UTRN: variants seen among roughly 807,000 people sequenced by gnomAD.
UTRN encodes the protein dystrophin-related protein 1.
In UTRN, 283 loss-of-function variants were observed where a neutral mutation model predicts 463.9. That is an observed-to-expected ratio of 0.61 (90% CI 0.55 to 0.67). UTRN has a LOEUF of 0.67. UTRN is among the 30% of genes least tolerant of loss of function. UTRN has a pLI of 0.00. For missense variants in UTRN, 3,922 were observed against 4,084.3 expected, an observed-to-expected ratio of 0.96 and a Z score of 1.08; for synonymous variants, 1,442 against 1,431.5, an observed-to-expected ratio of 1.01 and a Z score of -0.17.
At chr6:144,309,553 T>G (rs1333612130) in intron 2 of UTRN, among the ~76,000 whole-genome samples, 1 of 152,254 alleles carries the variant, frequency 6.6e-6, no homozygotes, top group Non-Finnish European at 1.5e-5. Context: ...CTGCTGGTTC[T>G]ATTTTCCTAA....
chr6:144,577,241 G>C lies in UTRN; in HGVS notation c.7432G>C (p.Ala2478Pro). 3 of 1,613,942 alleles carry C rather than the reference G, an allele frequency of 1.9e-6. No individual in the cohort carries two copies. Among genetic ancestry groups the C allele is most frequent in the Non-Finnish European group, 2.5e-6 (3 of 1,179,910 alleles). Residue 2478 changes from alanine (A) to proline (P), a missense_variant, in exon 51 of 75, where the codon GCT becomes CCT. By Grantham distance (27) the Ala-to-Pro change is conservative. This residue lies in a region of UTRN where 1,309 missense variants were observed against 1,452.6 expected (regional missense o/e 0.90). Transcript: ENST00000367545. ...TGTGGATGCCTCTCATCGGGAGAAT[G>C]CTCTTCAGGATAGTATCTTGGCCAG... ...VLVDASHREN[A>P]LQDSILAREL...
intron 2 of UTRN, among the ~76,000 whole-genome samples, chr6:144,361,768 C>CTTTTTT (rs200737117): frequency 7.2e-6 from 1 of 138,700 alleles, no homozygotes; most frequent in African/African-American, 2.8e-5. Flanking sequence ...TTCTTTCTTT[C>CTTTTTT]TTTCTTTTTT....
At chr6:144,426,162 A>G (rs761065130) in intron 6 of UTRN, 125 bp from the exon 7 acceptor site, 185 of 1,187,074 alleles carry the variant, frequency 1.6e-4, no homozygotes, top group Non-Finnish European at 2.1e-4. Flanking sequence ...AGTAAAATGA[A>G]TGCCAGTTAC....
intron 66 of UTRN, among the ~76,000 whole-genome samples, chr6:144,821,929 C>G (rs1041563738): frequency 2.0e-5 from 3 of 151,902 alleles, no homozygotes; most frequent in African/African-American, 7.2e-5. Context: ...AAGTTCTAGT[C>G]AGAGAAAGAC....
intron 43 of UTRN, among the ~76,000 whole-genome samples, chr6:144,535,031 T>C (rs961036695): frequency 1.3e-5 from 2 of 152,192 alleles, no homozygotes; most frequent in Admixed American, 6.5e-5. Flanking sequence ...TTATATGTCA[T>C]GCTATTCAGT....
In UTRN at chr6:144,757,913, C is replaced by T. The variant is rs1283532750; in HGVS notation, c.8435-16C>T. The T allele has an allele frequency of 1.3e-5, 21 of 1,605,142 alleles. No individual in the cohort carries two copies. Among genetic ancestry groups the T allele is most frequent in the Non-Finnish European group, 1.8e-5 (21 of 1,175,600 alleles). On this transcript the variant is annotated splice_polypyrimidine_tract_variant and intron_variant, in intron 57 of 74. Transcript: ENST00000367545. ...TGGTTTCCAACGTTTCCAATAATCTCCCTTTGTTTCCTCAGCGTCAGTCCA... is the reference window on the plus strand; with the variant it reads ...TGGTTTCCAACGTTTCCAATAATCTTCCTTTGTTTCCTCAGCGTCAGTCCA...
intron 2 of UTRN, among the ~76,000 whole-genome samples, chr6:144,373,609 T>C (rs1237803304): frequency 1.3e-5 from 2 of 152,210 alleles, no homozygotes; most frequent in African/African-American, 4.8e-5. Flanking sequence ...CGCACAACTT[T>C]GTGCATACAG....
chr6:144,312,734 T>A lies in UTRN; in HGVS notation c.79+20827T>A, dbSNP rs1775020432. On this transcript the variant is annotated intron_variant, in intron 2 of 74. Transcript: ENST00000367545. ...TTCCATGTTTATATATTTGATATGATTTTCTGGTAGAATTCTTGAAAAAAT... is the reference window on the plus strand; with the variant it reads ...TTCCATGTTTATATATTTGATATGAATTTCTGGTAGAATTCTTGAAAAAAT... Among the ~76,000 whole-genome samples the A allele has an allele frequency of 2.6e-5, 4 of 152,248 alleles. No homozygotes were observed. The South Asian group carries it at 8.3e-4, about 31-fold the overall frequency.
chr6:144,519,062 G>T (rs1278200196), intron 39 of UTRN, among the ~76,000 whole-genome samples: 1 of 152,116 alleles, frequency 6.6e-6, no homozygotes, highest in Non-Finnish European at 1.5e-5. Context: ...TAGTTTACAG[G>T]ACTCATTGTC....
intron 51 of UTRN, among the ~76,000 whole-genome samples, chr6:144,644,194 C>T (rs1778064063): frequency 6.6e-6 from 1 of 152,118 alleles, no homozygotes; most frequent in Admixed American, 6.5e-5. Flanking sequence ...AGTAAAAATT[C>T]CTAATCCTTA....
At position 144,470,331 on chromosome 6, in the gene UTRN, T is replaced by C. The variant is rs185082314; in HGVS notation, c.3067-3389T>C. 6.1e-3 allele frequency among the ~76,000 whole-genome samples: 912 copies of C among 149,720 alleles called. 9 individuals carry two copies. Among genetic ancestry groups the C allele is most frequent in the African/African-American group, 0.022 (881 of 40,306 alleles). On this transcript the variant is annotated intron_variant, in intron 23 of 74. Transcript: ENST00000367545. ...CGGGGCGGCTGCCGGGCGGAGACGCTCCTCACTTCCCAGATGGGGTGGCTG... is the reference window on the plus strand; with the variant it reads ...CGGGGCGGCTGCCGGGCGGAGACGCCCCTCACTTCCCAGATGGGGTGGCTG...
At chr6:144,688,759 G>A (rs1783013579) in intron 52 of UTRN, among the ~76,000 whole-genome samples, 1 of 152,020 alleles carries the variant, frequency 6.6e-6, no homozygotes, top group South Asian at 2.1e-4. Flanking sequence ...GAATGGCAGT[G>A]GTCTCTTGAA....
intron 65 of UTRN, among the ~76,000 whole-genome samples, chr6:144,815,388 G>GATCA (rs1586687198): frequency 6.6e-6 from 1 of 152,170 alleles, no homozygotes; most frequent in East Asian, 1.9e-4. Flanking sequence ...ATATGAATGG[G>GATCA]AGTTTATTAA....
intron 2 of UTRN, among the ~76,000 whole-genome samples, chr6:144,328,717 G>C (rs949513544): frequency 1.3e-5 from 2 of 151,982 alleles, no homozygotes; most frequent in Non-Finnish European, 1.5e-5. Context: ...AATAGATCAG[G>C]GTTTTTATTC....
intron 51 of UTRN, among the ~76,000 whole-genome samples, chr6:144,635,137 T>A (rs912079770): frequency 7.3e-6 from 1 of 136,352 alleles, no homozygotes; most frequent in Non-Finnish European, 1.5e-5. Context: ...GTTATTTGTG[T>A]GTTTTTTTTT....
chr6:144,417,607 A>C (rs1178142030), intron 3 of UTRN, among the ~76,000 whole-genome samples: 1 of 152,200 alleles, frequency 6.6e-6, no homozygotes, highest in Non-Finnish European at 1.5e-5. Context: ...CTATGAGCTG[A>C]GAATGGTTTT....
At position 144,441,525 on chromosome 6, in the gene UTRN, C is replaced by T. The variant is rs145381331; in HGVS notation, c.1512+1054C>T. The stretch of plus-strand genomic sequence containing the variant: ...GGGCAGTGCTGCCTCTGTGGCTTTG[C>T]GGGAAATAGCCCCCTCCTGGCTGCT... On this transcript the variant is annotated intron_variant, in intron 13 of 74. Transcript: ENST00000367545. 4.5e-3 allele frequency among the ~76,000 whole-genome samples: 690 copies of T among 152,314 alleles called. 5 individuals carry two copies. The highest frequency in any genetic ancestry group is 0.016 in the African/African-American group (664 of 41,570).
chr6:144,393,132 T>G (rs4546509), intron 2 of UTRN, among the ~76,000 whole-genome samples: 7,922 of 152,250 alleles, frequency 0.052, 683 homozygotes, highest in African/African-American at 0.18. Context: ...ACATGGTTTT[T>G]AAATCCAAAA....
At chr6:144,446,917 G>C (rs1787750325) in intron 14 of UTRN, among the ~76,000 whole-genome samples, 1 of 152,188 alleles carries the variant, frequency 6.6e-6, no homozygotes. Flanking sequence ...TTGGAGACTT[G>C]CATAGTTGGA....
Sources: gnomAD v4.1 joint callset for allele counts (sites outside exome capture counted in the v4.1 genomes callset) on GRCh38, gnomAD v4.1.1 for gene constraint, gnomAD v4.1.1 regional missense constraint, MANE v1.5 for transcripts, NCBI Gene and HGNC (gene_info 2026-07-23, HGNC 2026-07-21) for gene names.